The following ZBTB46 variants were observed in gnomAD, a reference collection of about 807,000 sequenced individuals.
ZBTB46 encodes the protein zinc finger and BTB domain-containing protein 46.
Under a neutral mutation model 44.1 loss-of-function variants are expected in ZBTB46, and 8 were observed. The observed-to-expected ratio is 0.18, with a 90% confidence interval of 0.11 to 0.33. ZBTB46 has a LOEUF of 0.33. Ranked by LOEUF, ZBTB46 falls within the 10% of genes least tolerant of loss-of-function variation. The pLI is 1.00. For missense variants in ZBTB46, 651 were observed against 847.7 expected, an observed-to-expected ratio of 0.77 and a Z score of 2.88; for synonymous variants, 409 against 382.3, an observed-to-expected ratio of 1.07 and a Z score of -0.81.
chr20:63,808,818 AC>A (rs1476911069), intron 1 of ZBTB46, among the ~76,000 whole-genome samples: 2 of 151,758 alleles, frequency 1.3e-5, no homozygotes, highest in African/African-American at 4.8e-5. Flanking sequence ...ACTAAAAAAT[AC>A]AAAAAAAAAT....
chr20:63,784,981 C>T (rs1036778835), intron 2 of ZBTB46, among the ~76,000 whole-genome samples: 13 of 152,164 alleles, frequency 8.5e-5, no homozygotes, highest in Non-Finnish European at 1.5e-4. Context: ...CGCCTGTCAT[C>T]CCAGCACTTT....
intron 1 of ZBTB46, among the ~76,000 whole-genome samples, chr20:63,802,923 G>A (rs1457501994): frequency 2.6e-5 from 4 of 152,174 alleles, no homozygotes; most frequent in African/African-American, 7.2e-5. Context: ...CCGGCCTCCA[G>A]GACTGGAGGG....
At position 63,743,949 on chromosome 20, in the gene ZBTB46, G is replaced by A. The variant is rs2092061387; in HGVS notation, c.*2981C>T. The stretch of plus-strand genomic sequence containing the variant: ...GTCAATATAATATAGATTATCCCCA[G>A]AAAAAAATCAACAATCTTCAAACAC... On this transcript the variant is annotated 3_prime_UTR_variant, in exon 5 of 5. Transcript: ENST00000245663. The A allele has an allele frequency of 6.6e-6, 1 of 152,520 alleles. No homozygotes were observed. The highest frequency in any genetic ancestry group is 2.4e-5 in the African/African-American group (1 of 41,406). The allele number at this position is 152,520 out of a possible 1,614,324, so 9.4% of individuals were successfully genotyped here.
chr20:63,747,642 G>A (rs907943340), intron 4 of ZBTB46, among the ~76,000 whole-genome samples: 3 of 151,900 alleles, frequency 2.0e-5, no homozygotes, highest in Admixed American at 1.3e-4. Flanking sequence ...GGGGAGGTGC[G>A]CAGACAGGAG....
chr20:63,788,930 G>A (rs971579588), intron 2 of ZBTB46, among the ~76,000 whole-genome samples: 1 of 150,078 alleles, frequency 6.7e-6, no homozygotes, highest in Non-Finnish European at 1.5e-5. Context: ...CCGCCTCCCA[G>A]GTTCAAGCGA....
chr20:63,813,836 C>T (rs987304584), intron 1 of ZBTB46, among the ~76,000 whole-genome samples: 3 of 152,184 alleles, frequency 2.0e-5, no homozygotes, highest in Admixed American at 6.5e-5. Flanking sequence ...AGCCCAGCAT[C>T]GCGACGCTGA....
In ZBTB46 at chr20:63,752,591, G is replaced by C. The variant is rs2092179253; in HGVS notation, c.1398+95C>G. ...CCCCTGTGCAGAGTGGACCCGGTGT[G>C]GGGTCCGGGGCGGTCTGCGCCCTCA... On this transcript the variant is annotated intron_variant, in intron 4 of 4. Transcript: ENST00000245663. This position sits in a 1 kb window ranked among gnomAD's most constrained non-coding sequence, Gnocchi z 5.6. 2 of 1,351,354 alleles carry C rather than the reference G, an allele frequency of 1.5e-6. No individual in the cohort carries two copies. The highest frequency in any genetic ancestry group is 5.9e-5 in the Admixed American group (2 of 33,918). 83.7% of individuals were successfully genotyped at this position (1,351,354 alleles called of 1,614,324 possible).
intron 1 of ZBTB46, among the ~76,000 whole-genome samples, chr20:63,814,280 CAGTGGGAGAG>C (rs1199843015): frequency 6.7e-6 from 1 of 148,844 alleles, no homozygotes; most frequent in Non-Finnish European, 1.5e-5. Flanking sequence ...AAAGAAAAAA[CAGTGGGAGAG>C]AGTGGGAGAG....
Position 63,758,824 on chromosome 20 carries a change from C to T in ZBTB46, c.1223-5963G>A, listed in dbSNP as rs970120617. Among the ~76,000 whole-genome samples, 13 of 151,792 alleles carry T rather than the reference C, an allele frequency of 8.6e-5. 1 individual carries two copies. The highest frequency in any genetic ancestry group is 3.9e-4 in the East Asian group (2 of 5,154). On this transcript the variant is annotated intron_variant, in intron 3 of 4. Coordinates refer to ENST00000245663, the MANE Select transcript of ZBTB46 (RefSeq NM_001369741.1). ...TCAGCTCATTGCAAGCTCCGCCTCC[C>T]GGGTTCACGCCATTCTCCTGCCTCA...
At chr20:63,774,841 C>T (rs528245302) in intron 3 of ZBTB46, among the ~76,000 whole-genome samples, 94 of 151,992 alleles carry the variant, frequency 6.2e-4, no homozygotes, top group Middle Eastern at 3.4e-3. Context: ...GTAGCTGGGA[C>T]TACAGGCGCC....
rs191796266 is a variant in ZBTB46 at position 63,743,933 on chromosome 20, A to G, written c.*2997T>C. ...TAATAAGTAATAGGAAGTCAATATA[A>G]TATAGATTATCCCCAGAAAAAAATC... On this transcript the variant is annotated 3_prime_UTR_variant, in exon 5 of 5. Coordinates refer to ENST00000245663, the MANE Select transcript of ZBTB46 (RefSeq NM_001369741.1). 5.2e-5 allele frequency: 8 copies of G among 152,790 alleles called. No individual in the cohort carries two copies. The highest frequency in any genetic ancestry group is 5.2e-4 in the Admixed American group (8 of 15,300). 9.5% of individuals were successfully genotyped at this position (152,790 alleles called of 1,614,324 possible). A position where few individuals can be genotyped will look rare whatever the true frequency, so the allele number is the denominator to read the frequency against.
intron 4 of ZBTB46, among the ~76,000 whole-genome samples, chr20:63,750,298 G>C (rs1283758072): frequency 6.6e-6 from 1 of 152,158 alleles, no homozygotes; most frequent in Non-Finnish European, 1.5e-5. Flanking sequence ...AGGCTGGAGT[G>C]CAGTGGTGCA....
intron 3 of ZBTB46, among the ~76,000 whole-genome samples, chr20:63,774,686 T>C (rs1490249338): frequency 2.7e-4 from 32 of 117,796 alleles, no homozygotes; most frequent in African/African-American, 1.1e-3. Flanking sequence ...CTGGCTGCGG[T>C]GGGTTTTTTT....
intron 1 of ZBTB46, among the ~76,000 whole-genome samples, chr20:63,796,786 T>C (rs945284047): frequency 6.6e-5 from 10 of 151,988 alleles, no homozygotes; most frequent in Non-Finnish European, 1.2e-4. Context: ...GATCATACCA[T>C]TGCACTCCAG....
chr20:63,763,851 A>G (rs2092296803), intron 3 of ZBTB46, among the ~76,000 whole-genome samples: 1 of 152,196 alleles, frequency 6.6e-6, no homozygotes, highest in Non-Finnish European at 1.5e-5. Flanking sequence ...TAATAGTGTC[A>G]TATGTTTTGC....
At chr20:63,793,243 G>A (rs759487065) in intron 1 of ZBTB46, among the ~76,000 whole-genome samples, 8 of 152,224 alleles carry the variant, frequency 5.3e-5, no homozygotes, top group Non-Finnish European at 4.4e-5. Flanking sequence ...ACAAGGAGCT[G>A]CCGAAAAGGA....
chr20:63,790,764 G>A lies in ZBTB46; in HGVS notation c.-7C>T, dbSNP rs1252548659. ...CTTCCTTTCGGTTGTTCATTTGGAA[G>A]CCCTGGTGTCGCCTCTTCTACAGAC... is the stretch of plus-strand genomic sequence containing the variant. On this transcript the variant is annotated 5_prime_UTR_variant, in exon 2 of 5. Coordinates refer to ENST00000245663, the MANE Select transcript of ZBTB46 (RefSeq NM_001369741.1). The A allele has an allele frequency of 3.1e-6, 5 of 1,593,610 alleles. No homozygotes were observed. Among genetic ancestry groups the A allele is most frequent in the African/African-American group, 2.7e-5 (2 of 74,718 alleles).
rs1340132457 is a variant in ZBTB46, at chr20:63,752,896, C to T, written c.1223-35G>A. 1.3e-6 allele frequency: 2 copies of T among 1,568,070 alleles called. No individual in the cohort carries two copies. The highest frequency in any genetic ancestry group is 2.3e-5 in the South Asian group (2 of 86,966). ...AGGGACCCGCGAGGCGTCAGCAGGG[C>T]TTGGGATGTACCGCCCTGCGGCCCA... On this transcript the variant is annotated intron_variant, in intron 3 of 4. Transcript: ENST00000245663. The surrounding 1 kb of genome is among the most constrained non-coding windows in gnomAD (Gnocchi z 5.6).
intron 2 of ZBTB46, among the ~76,000 whole-genome samples, chr20:63,784,236 C>T (rs1250274596): frequency 6.6e-6 from 1 of 152,170 alleles, no homozygotes; most frequent in East Asian, 1.9e-4. Context: ...TGAGACCCGC[C>T]GGAGGCAGGC....
Sources: gnomAD v4.1 joint callset for allele counts (sites outside exome capture counted in the v4.1 genomes callset) on GRCh38, gnomAD v4.1.1 for gene constraint, Gnocchi (gnomAD v3.1) non-coding constraint, MANE v1.5 for transcripts, NCBI Gene and HGNC (gene_info 2026-07-23, HGNC 2026-07-21) for gene names.